Variants in MGAT4C observed in about 807,000 individuals in gnomAD.
MGAT4C encodes MGAT4 family member C.
Under a neutral mutation model 40.1 loss-of-function variants are expected in MGAT4C, and 19 were observed. The ratio of observed to expected loss-of-function variants is 0.47; its 90% CI spans 0.33 to 0.70. The LOEUF (loss-of-function observed/expected upper bound fraction) is 0.70, where lower values mean the gene tolerates loss of function less well. Among genes scored for constraint, MGAT4C ranks in the 30% least tolerant of loss-of-function variants. The pLI, the probability that MGAT4C is intolerant of heterozygous loss-of-function variation, is 0.02. For synonymous variants in MGAT4C, 181 were observed against 187.1 expected (o/e 0.97, Z 0.27); for missense variants, 491 against 563.2 (o/e 0.87, Z 1.30).
intron 1 of MGAT4C, among the ~76,000 whole-genome samples, chr12:86,138,724 A>G (rs1376888076): frequency 6.6e-6 from 1 of 150,574 alleles, no homozygotes; most frequent in Non-Finnish European, 1.5e-5. Context: ...AATACAAATC[A>G]TCTCTATATT....
Position 85,997,251 on chromosome 12 carries a change from C to G in MGAT4C, c.-6-7699G>C, listed in dbSNP as rs142434408. Among the ~76,000 whole-genome samples the G allele has an allele frequency of 5.3e-3, 810 of 152,254 alleles. 31 individuals are homozygous for G. The South Asian group carries it at 0.085, about 16-fold the overall frequency. ...ATCGTGAGAACAGCACAAGAAAGACCTGCCTCTGTGATTCAATTACCTTCC... is the reference window on the plus strand; with the variant it reads ...ATCGTGAGAACAGCACAAGAAAGACGTGCCTCTGTGATTCAATTACCTTCC... On this transcript the variant is annotated intron_variant, in intron 2 of 4. Transcript: ENST00000611864.
intron 2 of MGAT4C, among the ~76,000 whole-genome samples, chr12:86,636,158 A>G (rs1291373918): frequency 6.6e-6 from 1 of 151,996 alleles, no homozygotes; most frequent in Non-Finnish European, 1.5e-5. Flanking sequence ...GCTTTGTGTA[A>G]TTGTACTCTA....
At chr12:86,791,691 T>C (rs1360444208) in intron 1 of MGAT4C, among the ~76,000 whole-genome samples, 1 of 152,192 alleles carries the variant, frequency 6.6e-6, no homozygotes, top group Non-Finnish European at 1.5e-5. Context: ...CTGGACGGGT[T>C]TGTGACTGGA....
At chr12:86,213,692 T>A (rs898239715) in intron 1 of MGAT4C, among the ~76,000 whole-genome samples, 8 of 152,342 alleles carry the variant, frequency 5.3e-5, no homozygotes, top group Middle Eastern at 3.4e-3. Context: ...TATTCAAGAA[T>A]ATTTACATAT....
At chr12:86,254,712 A>C (rs1024638047) in intron 1 of MGAT4C, among the ~76,000 whole-genome samples, 5 of 152,174 alleles carry the variant, frequency 3.3e-5, no homozygotes, top group Non-Finnish European at 5.9e-5. Flanking sequence ...AGAATATACC[A>C]ACTTAAATTT....
intron 2 of MGAT4C, among the ~76,000 whole-genome samples, chr12:86,610,547 TTTTTTTGTTTTTTG>T (rs1212570678): frequency 2.3e-5 from 1 of 44,410 alleles, no homozygotes; most frequent in Non-Finnish European, 4.5e-5. Flanking sequence ...AGGGCAACAG[TTTTTTTGTTTTTTG>T]TTTTTTTTTC....
chr12:86,736,160 C>A (rs1033453994), intron 1 of MGAT4C, among the ~76,000 whole-genome samples: 4 of 151,800 alleles, frequency 2.6e-5, no homozygotes, highest in Non-Finnish European at 4.4e-5. Context: ...TCTTCTCAAT[C>A]ATCTTGGTCC....
intron 1 of MGAT4C, among the ~76,000 whole-genome samples, chr12:86,804,085 C>A (rs1227446344): frequency 6.7e-6 from 1 of 149,286 alleles, no homozygotes; most frequent in Admixed American, 6.7e-5. Context: ...ACTATGCAGC[C>A]ATAAAAAATG....
At chr12:86,093,656 A>T (rs1396916813) in intron 1 of MGAT4C, among the ~76,000 whole-genome samples, 1 of 151,972 alleles carries the variant, frequency 6.6e-6, no homozygotes, top group Non-Finnish European at 1.5e-5. Context: ...TGAACCTGGG[A>T]GGTGGAGGCT....
chr12:86,682,285 C>T (rs532721975), intron 2 of MGAT4C, among the ~76,000 whole-genome samples: 4 of 151,794 alleles, frequency 2.6e-5, no homozygotes, highest in Non-Finnish European at 4.4e-5. Context: ...TTATTAGATG[C>T]AATATTTTAT....
chr12:86,549,984 C>A (rs1045345510), intron 2 of MGAT4C, among the ~76,000 whole-genome samples: 1 of 152,058 alleles, frequency 6.6e-6, no homozygotes, highest in Admixed American at 6.5e-5. Context: ...CAGGGAGGAA[C>A]CTGTAATCCC....
chr12:86,493,845 A>G (rs1239556875), intron 2 of MGAT4C, among the ~76,000 whole-genome samples: 1 of 152,064 alleles, frequency 6.6e-6, no homozygotes, highest in East Asian at 1.9e-4. Flanking sequence ...CATCAATGGC[A>G]GCACCTGTGC....
At chr12:86,459,471 G>T (rs1228896499) in intron 2 of MGAT4C, among the ~76,000 whole-genome samples, 2 of 152,044 alleles carry the variant, frequency 1.3e-5, no homozygotes, top group East Asian at 1.9e-4. Flanking sequence ...GGGTCTGCAG[G>T]TGGCCACTAG....
At chr12:86,292,139 A>G (rs889664752) in intron 4 of MGAT4C, among the ~76,000 whole-genome samples, 5 of 152,206 alleles carry the variant, frequency 3.3e-5, no homozygotes, top group Non-Finnish European at 5.9e-5. Context: ...GGAATTAGCA[A>G]CAGATGAAGT....
rs1364847273 is a variant in MGAT4C, at chr12:86,308,687, C to T, written c.-57+25378G>A. 2.7e-5 allele frequency among the ~76,000 whole-genome samples: 4 copies of T among 150,502 alleles called. No individual in the cohort carries two copies. In the East Asian group the frequency reaches 7.8e-4, roughly 29 times the overall value. On this transcript the variant is annotated intron_variant, in intron 4 of 7. Coordinates refer to the MGAT4C transcript ENST00000548651. ...GAAGGAAAGTTAATACAAAGAAAGCCATTCTTTCTTGCTTCAATCAAATAC... is the reference window on the plus strand; with the variant it reads ...GAAGGAAAGTTAATACAAAGAAAGCTATTCTTTCTTGCTTCAATCAAATAC...
At chr12:86,137,646 A>G (rs983513663) in intron 1 of MGAT4C, among the ~76,000 whole-genome samples, 1 of 152,326 alleles carries the variant, frequency 6.6e-6, no homozygotes, top group East Asian at 1.9e-4. Context: ...CTCTCTTTGG[A>G]TTCTGTGATG....
At chr12:86,452,186 CT>C (rs1031206864) in intron 2 of MGAT4C, among the ~76,000 whole-genome samples, 25 of 144,346 alleles carry the variant, frequency 1.7e-4, no homozygotes, top group Non-Finnish European at 2.9e-4. Flanking sequence ...TAGGGCCATT[CT>C]TTTTTTTTTC....
At chr12:86,186,952 G>T (rs1030005284) in intron 1 of MGAT4C, among the ~76,000 whole-genome samples, 4 of 152,078 alleles carry the variant, frequency 2.6e-5, no homozygotes, top group Non-Finnish European at 4.4e-5. Flanking sequence ...AGGCCAGCTT[G>T]GCAGCCATGA....
At chr12:86,509,641 T>C (rs1440187819) in intron 2 of MGAT4C, among the ~76,000 whole-genome samples, 1 of 152,142 alleles carries the variant, frequency 6.6e-6, no homozygotes, top group African/African-American at 2.4e-5. Context: ...AATCTGTAAA[T>C]TACCTTGGGC....
Sources: gnomAD v4.1 joint callset for allele counts (sites outside exome capture counted in the v4.1 genomes callset) on GRCh38, gnomAD v4.1.1 for gene constraint, MANE v1.5 for transcripts, NCBI Gene and HGNC (gene_info 2026-07-23, HGNC 2026-07-21) for gene names.